The following TEDC1 variants were observed in gnomAD, a reference collection of about 807,000 sequenced individuals.
TEDC1 encodes the protein tubulin epsilon and delta complex protein 1.
A neutral mutation model predicts 59.9 loss-of-function variants in TEDC1; 54 were observed. The ratio of observed to expected loss-of-function variants is 0.90; its 90% CI spans 0.72 to 1.13. The LOEUF is 1.13. Ranked by LOEUF, TEDC1 falls within the 50% of genes most tolerant of loss-of-function variation. The pLI, the probability that TEDC1 is intolerant of heterozygous loss-of-function variation, is 0.00. For synonymous variants in TEDC1, 353 were observed against 298.1 expected (o/e 1.18, Z -1.90); for missense variants, 734 against 683.4 (o/e 1.07, Z -0.83).
chr14:105,497,276 C>T (rs1434015003), intron 6 of TEDC1, 81 bp from the exon 7 acceptor site: 72 of 1,379,796 alleles, frequency 5.2e-5, no homozygotes, highest in Admixed American at 2.6e-4. Context: ...CGGGTGTCGG[C>T]GCTGGGTCCA....
At position 105,497,898 on chromosome 14, in the gene TEDC1, T is replaced by C; in HGVS notation, c.1079T>C (p.Leu360Pro). The C allele has an allele frequency of 6.4e-7, 1 of 1,555,842 alleles. No individual in the cohort carries two copies. The highest frequency in any genetic ancestry group is 8.7e-7 in the Non-Finnish European group (1 of 1,149,914). Residue 360 changes from leucine (L) to proline (P), a missense_variant, in exon 8 of 9, where the codon CTG (leucine) becomes CCG (proline). By Grantham distance (98) the Leu-to-Pro change is moderately conservative. Coordinates refer to ENST00000392523, the MANE Select transcript of TEDC1 (RefSeq NM_001367178.1). ...VPERGGGELD[L>P]VVRELQALEE... ...GAGCGCGGGGGTGGCGAGTTGGACCTGGTAGTGCGGGAGCTGCAGGCACTG... is the reference window on the plus strand; with the variant it reads ...GAGCGCGGGGGTGGCGAGTTGGACCCGGTAGTGCGGGAGCTGCAGGCACTG...
In TEDC1 at chr14:105,492,267, C is replaced by T. The variant is rs782462134; in HGVS notation, c.387C>T (p.Ala129=). Residue 129 remains alanine, a synonymous_variant, in exon 3 of 9, where the codon GCC becomes GCT. Transcript: ENST00000392523. ...ARGPVPEQML[A]QARVPLGDEM... ...GACCTGTGCCCGAGCAGATGCTGGC[C>T]CAGGCCCGAGTGCCTCTGGGTGACG... The T allele has an allele frequency of 1.7e-5, 28 of 1,608,920 alleles. No individual in the cohort carries two copies. The highest frequency in any genetic ancestry group is 1.4e-5 in the Non-Finnish European group (16 of 1,180,002).
chr14:105,498,741 A>G lies in TEDC1; in HGVS notation c.1283A>G (p.His428Arg), dbSNP rs1290402308. The change falls in exon 9 of 9, where the codon CAT becomes CGT. Residue 428 changes from histidine (H) to arginine (R), a missense_variant. Physicochemically the swap from His to Arg is conservative, Grantham distance 29. Transcript: ENST00000392523. ...WERDGGPAQP[H>R]GPHRLVRRED... ...CGAGACGGTGGCCCGGCCCAGCCCC[A>G]TGGGCCACACCGGCTGGTGAGACGA... The G allele has an allele frequency of 3.2e-6, 5 of 1,558,638 alleles. No homozygotes were observed. The highest frequency in any genetic ancestry group is 2.4e-5 in the East Asian group (1 of 41,784).
intron 6 of TEDC1, 67 bp from the exon 7 acceptor site, chr14:105,497,290 G>A: frequency 6.8e-7 from 1 of 1,464,046 alleles, no homozygotes; most frequent in Admixed American, 2.0e-5. Flanking sequence ...GGGTCCAGCT[G>A]TCCATCCGAC....
At chr14:105,491,110 G>A (rs1412572833), upstream of TEDC1, 1 of 1,551,386 alleles carries the variant, frequency 6.4e-7, no homozygotes, top group African/African-American at 1.4e-5. Context: ...TGCATGTCCG[G>A]CCAGCGCGGT....
intron 6 of TEDC1, chr14:105,496,296 G>C: frequency 1.7e-6 from 1 of 584,028 alleles, no homozygotes; most frequent in Non-Finnish European, 3.0e-6. Flanking sequence ...GTGGCGTGCT[G>C]GGGTGGGCAG....
chr14:105,497,593 G>T, intron 7 of TEDC1, 150 bp downstream of exon 7: 1 of 1,139,966 alleles, frequency 8.8e-7, no homozygotes, highest in Non-Finnish European at 1.2e-6. Flanking sequence ...ACTTCCACTC[G>T]CCTTCTGGGG....
chr14:105,497,472 G>C (rs2084373161), intron 7 of TEDC1, 29 bp downstream of exon 7: 3 of 1,537,978 alleles, frequency 2.0e-6, no homozygotes, highest in Non-Finnish European at 2.6e-6. Flanking sequence ...CCCTCTCCCG[G>C]CATCCCTTCC....
At chr14:105,496,258 AC>A in intron 6 of TEDC1, 172 bp downstream of exon 6, 1 of 682,678 alleles carries the variant, frequency 1.5e-6, no homozygotes, top group African/African-American at 1.8e-5. Context: ...AAGCGGCCGT[AC>A]CCATGGTGGA....
chr14:105,495,776 C>T, intron 5 of TEDC1, 104 bp from the exon 6 acceptor site: 2 of 973,866 alleles, frequency 2.1e-6, no homozygotes, highest in Non-Finnish European at 3.0e-6. Context: ...GGACCACCCT[C>T]TGTGGTGGGC....
At position 105,495,872 on chromosome 14, in the gene TEDC1, C is replaced by T. The variant is rs1555440327; in HGVS notation, c.685-8C>T. The T allele has an allele frequency of 1.3e-6, 2 of 1,547,184 alleles. No homozygotes were observed. Among genetic ancestry groups the T allele is most frequent in the East Asian group, 4.9e-5 (2 of 40,896 alleles). On this transcript the variant is annotated splice_polypyrimidine_tract_variant and splice_region_variant and intron_variant, in intron 5 of 8. Transcript: ENST00000392523. ...GTGGACTGGGGCCATGGCTGGCTTC[C>T]TTCCAAGGTTTCTGGAGCGGGAGCT...
chr14:105,496,543 G>C (rs2084350863), intron 6 of TEDC1: 1 of 195,412 alleles, frequency 5.1e-6, no homozygotes, highest in Non-Finnish European at 1.1e-5. Context: ...GGGTAGAGTG[G>C]GGCAGGATTC....
At chr14:105,490,064 A>G (rs1239101914), upstream of TEDC1, 2 of 151,934 alleles carry the variant, frequency 1.3e-5, no homozygotes, top group Admixed American at 6.5e-5. Context: ...CAGTCCTCCT[A>G]CTGGCGCCGT....
chr14:105,494,792 G>C (rs1334915148), intron 5 of TEDC1: 1 of 152,314 alleles, frequency 6.6e-6, no homozygotes, highest in African/African-American at 2.4e-5. Context: ...GGGTCTGCCC[G>C]CCCGTCATCA....
chr14:105,491,165 C>A, upstream of TEDC1: 1 of 1,550,418 alleles, frequency 6.4e-7, no homozygotes, highest in South Asian at 1.2e-5. Context: ...GTACAGGTCT[C>A]GGCCAGCGCG....
chr14:105,493,436 A>G (rs1451234235), intron 4 of TEDC1, among the ~76,000 whole-genome samples: 1 of 151,482 alleles, frequency 6.6e-6, no homozygotes, highest in Non-Finnish European at 1.5e-5. Flanking sequence ...TTTTTTGGGG[A>G]GCCTTCCCCA....
intron 6 of TEDC1, 185 bp downstream of exon 6, chr14:105,496,271 G>A (rs997341475): frequency 1.9e-5 from 12 of 644,928 alleles, no homozygotes; most frequent in African/African-American, 1.8e-5. Flanking sequence ...CATGGTGGAG[G>A]CCTTTGCTCT....
upstream of TEDC1, chr14:105,490,102 A>C (rs1555438919): frequency 7.0e-6 from 1 of 143,366 alleles, no homozygotes; most frequent in Non-Finnish European, 1.5e-5. Context: ...GCCGGAGGGA[A>C]GGAGGCTGCG....
chr14:105,490,256 G>A (rs1347381792), upstream of TEDC1: 1 of 152,266 alleles, frequency 6.6e-6, no homozygotes, highest in African/African-American at 2.4e-5. Context: ...GGGACCCCTC[G>A]GGCTGCGCCT....
Sources: gnomAD v4.1 joint callset for allele counts (sites outside exome capture counted in the v4.1 genomes callset) on GRCh38, gnomAD v4.1.1 for gene constraint, MANE v1.5 for transcripts, NCBI Gene and HGNC (gene_info 2026-07-23, HGNC 2026-07-21) for gene names.